The following PLCXD2 variants were observed in gnomAD, a reference collection of about 807,000 sequenced individuals.
PLCXD2 encodes PI-PLC X domain-containing protein 2.
Under a neutral mutation model 28.6 loss-of-function variants are expected in PLCXD2, and 21 were observed. The ratio of observed to expected loss-of-function variants is 0.73; its 90% confidence interval spans 0.52 to 1.06. PLCXD2 has a LOEUF of 1.06. Among genes scored for constraint, PLCXD2 ranks in the 50% least tolerant of loss-of-function variants. The pLI is 0.00. For missense variants in PLCXD2, 369 were observed against 376.7 expected (o/e 0.98, Z 0.17); for synonymous variants, 140 against 150.1 (o/e 0.93, Z 0.49).
intron 1 of PLCXD2, among the ~76,000 whole-genome samples, chr3:111,701,473 C>T (rs1376021120): frequency 6.6e-6 from 1 of 152,070 alleles, no homozygotes; most frequent in East Asian, 1.9e-4. Flanking sequence ...AAGTAGGGGC[C>T]TGGTAAGAGA....
intron 1 of PLCXD2, among the ~76,000 whole-genome samples, chr3:111,680,919 A>ATTTTGTG (rs1210040316): frequency 2.0e-5 from 3 of 152,202 alleles, no homozygotes; most frequent in African/African-American, 7.2e-5. Flanking sequence ...CAAAATAAGC[A>ATTTTGTG]CTAGATAATA....
chr3:111,717,234 C>T (rs555152803), intron 3 of PLCXD2, among the ~76,000 whole-genome samples: 7 of 152,020 alleles, frequency 4.6e-5, no homozygotes, highest in Admixed American at 3.9e-4. Flanking sequence ...CATGAAAATG[C>T]CAGCCACAGT....
chr3:111,714,154 G>A, intron 3 of PLCXD2, 26 bp downstream of exon 3: 3 of 1,604,342 alleles, frequency 1.9e-6, no homozygotes, highest in Non-Finnish European at 1.7e-6. Context: ...CACCCCACAA[G>A]GAAAGCTTTT....
At chr3:111,725,816 A>G (rs1366777429) in intron 3 of PLCXD2, 3 of 398,484 alleles carry the variant, frequency 7.5e-6, no homozygotes, top group African/African-American at 2.1e-5. Flanking sequence ...TCAACAGTCT[A>G]GAGGCATATT....
At chr3:111,710,802 T>C (rs1941189944) in intron 2 of PLCXD2, among the ~76,000 whole-genome samples, 1 of 152,210 alleles carries the variant, frequency 6.6e-6, no homozygotes, top group South Asian at 2.1e-4. Flanking sequence ...GATATAATTT[T>C]ATACACAGCC....
At chr3:111,712,495 C>T (rs922157226) in intron 2 of PLCXD2, among the ~76,000 whole-genome samples, 1 of 152,208 alleles carries the variant, frequency 6.6e-6, no homozygotes, top group Non-Finnish European at 1.5e-5. Flanking sequence ...TGATTAACCT[C>T]ATTAACACAC....
intron 1 of PLCXD2, among the ~76,000 whole-genome samples, chr3:111,693,678 T>C (rs7611571): frequency 0.057 from 8,716 of 152,306 alleles, 472 homozygotes; most frequent in African/African-American, 0.14. Flanking sequence ...CTTCTCGATG[T>C]TTATGTTGCT....
intron 3 of PLCXD2, chr3:111,722,070 C>T (rs1941353325): frequency 6.6e-6 from 1 of 152,138 alleles, no homozygotes; most frequent in Admixed American, 6.5e-5. Flanking sequence ...CTACTTTCTG[C>T]AGGTTGTTTT....
In PLCXD2 at chr3:111,674,798, C is replaced by G. The variant is rs1940593435; in HGVS notation, c.-448C>G. The stretch of plus-strand genomic sequence containing the variant: ...AGGCAGGCCCAGCTTGTGTACCAGC[C>G]CAGTGACATATATAGAAACATAAAT... On this transcript the variant is annotated 5_prime_UTR_variant, in exon 1 of 5. Coordinates refer to ENST00000477665, the MANE Select transcript of PLCXD2 (RefSeq NM_001185106.1). The G allele has an allele frequency of 6.4e-6, 1 of 157,428 alleles. No homozygotes were observed. Among genetic ancestry groups the G allele is most frequent in the Admixed American group, 6.5e-5 (1 of 15,414 alleles). 9.8% of individuals were successfully genotyped at this position (157,428 alleles called of 1,614,324 possible).
chr3:111,722,924 T>TGC (rs1436603511), intron 3 of PLCXD2: 1 of 152,230 alleles, frequency 6.6e-6, no homozygotes. Flanking sequence ...TTCCTTTTTT[T>TGC]GCATTTGAAC....
At chr3:111,703,341 T>G (rs1941073081) in intron 1 of PLCXD2, among the ~76,000 whole-genome samples, 2 of 152,132 alleles carry the variant, frequency 1.3e-5, no homozygotes, top group African/African-American at 4.8e-5. Context: ...CCCTCTTCTG[T>G]GGGATGGGCT....
At chr3:111,713,744 A>G in intron 2 of PLCXD2, 143 bp from the exon 3 acceptor site, 3 of 876,456 alleles carry the variant, frequency 3.4e-6, no homozygotes, top group South Asian at 5.4e-5. Flanking sequence ...TTTCCTAAAA[A>G]TATATATTAA....
At chr3:111,682,797 C>G (rs1940737270) in intron 1 of PLCXD2, among the ~76,000 whole-genome samples, 1 of 152,172 alleles carries the variant, frequency 6.6e-6, no homozygotes, top group African/African-American at 2.4e-5. Flanking sequence ...TTTAGGTGAT[C>G]ATCTTGGCAG....
chr3:111,677,406 T>C (rs1163497436), intron 1 of PLCXD2: 5 of 152,182 alleles, frequency 3.3e-5, no homozygotes, highest in Admixed American at 1.3e-4. Context: ...TGAAATATAG[T>C]AGGCATTTGG....
chr3:111,682,777 C>T lies in PLCXD2; in HGVS notation c.163+7369C>T, dbSNP rs1051520276. Among the ~76,000 whole-genome samples the T allele has an allele frequency of 5.9e-5, 9 of 152,308 alleles. No homozygotes were observed. The East Asian group carries it at 1.7e-3, about 29-fold the overall frequency. ...AAACAGCATTCTCGTCCACCCTCCC[C>T]AGGTTCGAGTTTAGGTGATCATCTT... is the stretch of plus-strand genomic sequence containing the variant. On this transcript the variant is annotated intron_variant, in intron 1 of 4. Transcript: ENST00000477665.
intron 1 of PLCXD2, among the ~76,000 whole-genome samples, chr3:111,694,726 A>G (rs535048950): frequency 2.2e-4 from 33 of 152,210 alleles, no homozygotes; most frequent in African/African-American, 7.5e-4. Flanking sequence ...CCTCCATGGG[A>G]AGTCAGAGCT....
rs565803975 is a variant in PLCXD2, at chr3:111,678,351, G to A, written c.163+2943G>A. On this transcript the variant is annotated intron_variant, in intron 1 of 4. Transcript: ENST00000477665. ...AATCATTTGATGTCTGAAGGATAAA[G>A]GATCCAGACATCATAAAAGACAGAT... Among the ~76,000 whole-genome samples, 3 of 152,246 alleles carry A rather than the reference G, an allele frequency of 2.0e-5. No individual in the cohort carries two copies. In the South Asian group the frequency reaches 6.2e-4, roughly 32 times the overall value.
intron 3 of PLCXD2, among the ~76,000 whole-genome samples, chr3:111,715,190 T>G (rs1941252144): frequency 6.6e-6 from 1 of 152,230 alleles, no homozygotes; most frequent in African/African-American, 2.4e-5. Context: ...AAGTCTTGAC[T>G]GAATTCATTA....
At chr3:111,682,397 A>G (rs1940730377) in intron 1 of PLCXD2, among the ~76,000 whole-genome samples, 1 of 152,240 alleles carries the variant, frequency 6.6e-6, no homozygotes, top group Non-Finnish European at 1.5e-5. Flanking sequence ...TTCTAAGAAA[A>G]TAACAGGTTG....
Sources: allele counts gnomAD v4.1 joint callset (sites outside exome capture counted in the v4.1 genomes callset), GRCh38; gene constraint gnomAD v4.1.1; transcripts MANE v1.5; gene names NCBI Gene and HGNC (gene_info 2026-07-23, HGNC 2026-07-21).